The following EPB41 variants were observed in gnomAD, a reference collection of about 807,000 sequenced individuals.
The protein encoded by EPB41 is erythrocyte membrane protein band 4.1.
In EPB41, 65 loss-of-function variants were observed where a neutral mutation model predicts 108.0. The observed-to-expected ratio is 0.60, with a 90% CI of 0.49 to 0.74. The LOEUF is 0.74. EPB41 is among the 30% of genes least tolerant of loss of function. EPB41 has a pLI of 0.00. For synonymous variants in EPB41, 336 were observed against 358.9 expected (o/e 0.94, Z 0.72); for missense variants, 875 against 1,037.0 (o/e 0.84, Z 2.15).
At position 28,914,606 on chromosome 1, in the gene EPB41, C is replaced by G. The variant is rs1445274334; in HGVS notation, c.-170C>G. On this transcript the variant is annotated 5_prime_UTR_variant, in exon 1 of 21. Transcript: ENST00000343067. Reference sequence around the variant, plus strand: ...GGAGGGCGCGCGCCAGGGTCGCTCGCTCGCTCCCTCCCTCCGCTGGTGCGT... The same window carrying G: ...GGAGGGCGCGCGCCAGGGTCGCTCGGTCGCTCCCTCCCTCCGCTGGTGCGT... The G allele has an allele frequency of 6.6e-6, 1 of 151,694 alleles. No homozygotes were observed. Among genetic ancestry groups the G allele is most frequent in the Non-Finnish European group, 1.5e-5 (1 of 67,810 alleles). 9.4% of individuals were successfully genotyped at this position (151,694 alleles called of 1,614,324 possible).
chr1:29,035,736 G>A (rs1486508808), intron 9 of EPB41, 90 bp from the exon 10 acceptor site: 2 of 970,306 alleles, frequency 2.1e-6, no homozygotes, highest in Non-Finnish European at 3.3e-6. Flanking sequence ...CTCTTCTGTG[G>A]CACCATATTT....
chr1:28,896,331 G>C (rs747039652), intron 1 of EPB41, among the ~76,000 whole-genome samples: 16 of 152,204 alleles, frequency 1.1e-4, no homozygotes, highest in Non-Finnish European at 1.6e-4. Flanking sequence ...GGGGACAGGT[G>C]GTGGATAGCA....
intron 16 of EPB41, chr1:29,069,368 T>A (rs913538551): frequency 8.1e-7 from 1 of 1,230,436 alleles, no homozygotes; most frequent in Non-Finnish European, 1.0e-6. Context: ...AATTGGACAA[T>A]TGGGGAGAAA....
chr1:28,891,451 G>A (rs1442118716), intron 1 of EPB41, among the ~76,000 whole-genome samples: 1 of 152,202 alleles, frequency 6.6e-6, no homozygotes, highest in Non-Finnish European at 1.5e-5. Context: ...GGAAAACCCG[G>A]AGAACAAAAT....
At chr1:29,046,096 A>ACT (rs1369262362) in intron 11 of EPB41, among the ~76,000 whole-genome samples, 1 of 151,982 alleles carries the variant, frequency 6.6e-6, no homozygotes, top group East Asian at 1.9e-4. Flanking sequence ...TATACTCAGT[A>ACT]ATCTTACTAA....
Position 29,033,140 on chromosome 1 carries a change from T to C in EPB41, c.1260T>C (p.Leu420=), listed in dbSNP as rs1312704437. Residue 420 remains leucine, a synonymous_variant, in exon 9 of 21, where the codon CTT becomes CTC. Coordinates refer to ENST00000343067, the MANE Select transcript of EPB41 (RefSeq NM_001376013.1). ...DIILGVCSSG[L]LVYKDKLRIN... ...TCCTAGGTGTCTGCTCTAGTGGCCTTCTGGTTTACAAAGATAAGCTGAGAA... is the reference window on the plus strand; with the variant it reads ...TCCTAGGTGTCTGCTCTAGTGGCCTCCTGGTTTACAAAGATAAGCTGAGAA... 1 of 1,613,868 alleles carries C rather than the reference T, an allele frequency of 6.2e-7. No individual in the cohort carries two copies. The highest frequency in any genetic ancestry group is 1.3e-5 in the African/African-American group (1 of 74,922).
chr1:28,905,389 C>G (rs1011920406), intron 1 of EPB41, among the ~76,000 whole-genome samples: 1 of 145,204 alleles, frequency 6.9e-6, no homozygotes, highest in African/African-American at 2.6e-5. Flanking sequence ...CCCAGCTACT[C>G]GGGAAGCTGA....
At chr1:29,043,796 A>G (rs898591698) in intron 11 of EPB41, among the ~76,000 whole-genome samples, 1 of 152,234 alleles carries the variant, frequency 6.6e-6, no homozygotes. Flanking sequence ...AGTGTCAGTG[A>G]AAAGCAGGGC....
chr1:29,062,604 T>A (rs1646741777), intron 15 of EPB41, among the ~76,000 whole-genome samples: 1 of 152,086 alleles, frequency 6.6e-6, no homozygotes, highest in Admixed American at 6.6e-5. Flanking sequence ...CTTTAGAAGT[T>A]TTTTCCCCTG....
chr1:29,053,706 C>A, intron 12 of EPB41: 1 of 184,768 alleles, frequency 5.4e-6, no homozygotes, highest in Admixed American at 5.5e-5. Context: ...ACTACAGGCG[C>A]CCGCCACCAT....
At chr1:28,937,965 T>G (rs1383978373) in intron 1 of EPB41, among the ~76,000 whole-genome samples, 1 of 152,214 alleles carries the variant, frequency 6.6e-6, no homozygotes, top group Non-Finnish European at 1.5e-5. Context: ...TTTCCTTTCC[T>G]CCATTGAATT....
At chr1:29,098,087 A>G (rs1017847267) in intron 17 of EPB41, 152 bp downstream of exon 17, 3 of 1,193,496 alleles carry the variant, frequency 2.5e-6, no homozygotes, top group African/African-American at 3.0e-5. Flanking sequence ...AAGGTCCCAG[A>G]CTACTTTATC....
chr1:29,058,781 TTC>T, intron 13 of EPB41, 28 bp from the exon 14 acceptor site: 11 of 1,537,994 alleles, frequency 7.2e-6, no homozygotes, highest in African/African-American at 1.4e-5. Context: ...TTTATCATTT[TTC>T]TTTCTTTTTT....
intron 1 of EPB41, among the ~76,000 whole-genome samples, chr1:28,986,174 G>T (rs1205515172): frequency 6.6e-6 from 1 of 151,972 alleles, no homozygotes; most frequent in Non-Finnish European, 1.5e-5. Context: ...CATTTTTTAT[G>T]GCTGCATATT....
intron 1 of EPB41, among the ~76,000 whole-genome samples, chr1:28,933,658 G>A (rs1386134028): frequency 1.3e-5 from 2 of 152,128 alleles, no homozygotes; most frequent in Admixed American, 6.6e-5. Flanking sequence ...GCATTGATGC[G>A]TTCATAGAGT....
At chr1:29,116,386 T>C (rs1255775992) in intron 20 of EPB41, among the ~76,000 whole-genome samples, 1 of 152,116 alleles carries the variant, frequency 6.6e-6, no homozygotes, top group Non-Finnish European at 1.5e-5. Context: ...TGACCTCAAA[T>C]GATCCACCTG....
intron 12 of EPB41, chr1:29,053,706 C>G (rs538437013): frequency 4.6e-4 from 85 of 184,788 alleles, no homozygotes; most frequent in Admixed American, 1.2e-3. Flanking sequence ...ACTACAGGCG[C>G]CCGCCACCAT....
intron 14 of EPB41, among the ~76,000 whole-genome samples, chr1:29,059,897 T>A (rs1173009261): frequency 2.6e-5 from 4 of 152,198 alleles, no homozygotes; most frequent in Non-Finnish European, 5.9e-5. Flanking sequence ...CTGAGTATAT[T>A]TATTGGCTGA....
chr1:29,041,142 ATAAAT>A (rs1439159087), intron 11 of EPB41: 25 of 138,200 alleles, frequency 1.8e-4, no homozygotes, highest in African/African-American at 4.7e-4. Context: ...TCATAAATAA[ATAAAT>A]TAAATAAATA....
Sources: gnomAD v4.1 joint callset for allele counts (sites outside exome capture counted in the v4.1 genomes callset) on GRCh38, gnomAD v4.1.1 for gene constraint, MANE v1.5 for transcripts, NCBI Gene and HGNC (gene_info 2026-07-23, HGNC 2026-07-21) for gene names.